The following ENTPD5 variants were observed in gnomAD, a reference collection of about 807,000 sequenced individuals.
ENTPD5 encodes ectonucleoside triphosphate diphosphohydrolase 5 (inactive), also known as nucleoside diphosphate phosphatase ENTPD5.
ENTPD5 carries 49 observed loss-of-function variants against 60.2 expected under a neutral mutation model. The ratio of observed to expected loss-of-function variants is 0.81; its 90% confidence interval spans 0.65 to 1.03. The LOEUF is 1.03. ENTPD5 is among the 50% of genes least tolerant of loss of function. The probability of loss-of-function intolerance (pLI) is 0.00; values close to 1 mark genes in which losing one functional copy is unlikely to be tolerated. For synonymous variants in ENTPD5, 187 were observed against 185.4 expected (o/e 1.01, Z -0.07); for missense variants, 480 against 507.6 (o/e 0.95, Z 0.52).
rs564765680 is a variant in ENTPD5, at chr14:73,963,467, T to A, written c.*3461A>T. On this transcript the variant is annotated 3_prime_UTR_variant, in exon 16 of 16. Coordinates refer to ENST00000334696, the MANE Select transcript of ENTPD5 (RefSeq NM_001249.5). ...TAAATATAAATTGCTTTAACCTTTG[T>A]TACAGGTATACTGGACTTTCTGAAA... 1 of 199,062 alleles carries A rather than the reference T, an allele frequency of 5.0e-6. No homozygotes were observed. Among genetic ancestry groups the A allele is most frequent in the East Asian group, 1.4e-4 (1 of 7,144 alleles). 12.3% of individuals were successfully genotyped at this position (199,062 alleles called of 1,614,324 possible).
chr14:73,978,555 C>T (rs905240397), intron 6 of ENTPD5, among the ~76,000 whole-genome samples: 13 of 145,514 alleles, frequency 8.9e-5, no homozygotes, highest in African/African-American at 2.3e-4. Context: ...GAGCCGAGAT[C>T]GCGCCATTGC....
Position 73,988,038 on chromosome 14 carries a change from G to A in ENTPD5, c.65C>T (p.Ser22Phe), listed in dbSNP as rs2057976190. 6.2e-7 allele frequency: 1 copy of A among 1,613,968 alleles called. No homozygotes were observed. The highest frequency in any genetic ancestry group is 1.3e-5 in the African/African-American group (1 of 74,942). Residue 22 changes from serine (S) to phenylalanine (F), a missense_variant, in exon 4 of 16, where the codon TCC (serine) becomes TTC (phenylalanine). Physicochemically the swap from Ser to Phe is radical, Grantham distance 155. Transcript: ENST00000334696. ...AAACCAAGTCTGCTGGTTCCTGTGG[G>A]AGACAGCGCTGCAAACACAGGATAC... ...LVVSCVCSAV[S>F]HRNQQTWFEG...
downstream of ENTPD5, chr14:73,963,023 T>A: frequency 6.3e-7 from 1 of 1,583,014 alleles, no homozygotes; most frequent in South Asian, 1.1e-5. Flanking sequence ...AAAGAAAGAT[T>A]ACGTTGATGA....
intron 3 of ENTPD5, among the ~76,000 whole-genome samples, chr14:73,991,606 AC>A (rs1348326774): frequency 1.1e-5 from 1 of 91,174 alleles, no homozygotes; most frequent in Non-Finnish European, 2.4e-5. Context: ...AAAAACAATA[AC>A]CAAAAAAAAA....
chr14:73,983,202 T>G (rs946616385), intron 5 of ENTPD5, 41 bp from the exon 6 acceptor site: 2 of 1,582,928 alleles, frequency 1.3e-6, no homozygotes, highest in Non-Finnish European at 1.7e-6. Context: ...AACGATCCAT[T>G]TAGTGGCTGG....
Position 73,969,299 on chromosome 14 carries a change from CAG to C in ENTPD5, c.1200+709_1200+710del, listed in dbSNP as rs139171971. ...CCTAGGACAAATGGAACCCAAGATT[CAG>C]AGAGTGTGGCACTTGCATCCTGCTT... is the stretch of plus-strand genomic sequence containing the variant. On this transcript the variant is annotated intron_variant, in intron 15 of 15. Coordinates refer to ENST00000334696, the MANE Select transcript of ENTPD5 (RefSeq NM_001249.5). 9.8e-3 allele frequency among the ~76,000 whole-genome samples: 1,491 copies of C among 152,316 alleles called. 7 individuals are homozygous for C. Among genetic ancestry groups the C allele is most frequent in the Non-Finnish European group, 0.016 (1,091 of 68,028 alleles).
chr14:73,973,124 A>G (rs914185221), intron 12 of ENTPD5, 100 bp from the exon 13 acceptor site: 7 of 1,412,958 alleles, frequency 5.0e-6, no homozygotes, highest in Admixed American at 2.1e-5. Context: ...AACAGCAGGA[A>G]GGTCAAGGAA....
chr14:73,971,934 A>G (rs2057244662), intron 13 of ENTPD5, 26 bp from the exon 14 acceptor site: 1 of 1,376,110 alleles, frequency 7.3e-7, no homozygotes, highest in African/African-American at 1.4e-5. Context: ...AGATTATCTG[A>G]TATCAAAACG....
intron 2 of ENTPD5, among the ~76,000 whole-genome samples, chr14:74,011,699 G>GAGAC (rs962179070): frequency 4.6e-5 from 7 of 152,172 alleles, no homozygotes; most frequent in Non-Finnish European, 1.0e-4. Context: ...TTGGGAGGCT[G>GAGAC]AGACAGGAGG....
intron 3 of ENTPD5, among the ~76,000 whole-genome samples, chr14:74,001,433 C>A (rs1487336529): frequency 6.6e-6 from 1 of 151,564 alleles, no homozygotes; most frequent in Non-Finnish European, 1.5e-5. Flanking sequence ...ACCTGGGAGG[C>A]CGAGCTTGCA....
intron 6 of ENTPD5, among the ~76,000 whole-genome samples, chr14:73,979,943 ATTTT>A (rs554438546): frequency 1.6e-5 from 2 of 127,540 alleles, no homozygotes; most frequent in Non-Finnish European, 3.3e-5. Context: ...TTTTGCCATG[ATTTT>A]TTTTTTTTTT....
chr14:74,019,022 C>A lies in ENTPD5; in HGVS notation c.-238+228G>T, dbSNP rs2059165428. ...CATGGAGACACGGGAGGAACGGGAC[C>A]CGCGGGCGGCACGGGAAAGGGCTGC... On this transcript the variant is annotated intron_variant, in intron 1 of 15. Transcript: ENST00000334696. 1.3e-5 allele frequency: 2 copies of A among 153,288 alleles called. 1 individual carries two copies. Among genetic ancestry groups the A allele is most frequent in the Non-Finnish European group, 2.9e-5 (2 of 68,836 alleles). 9.5% of individuals were successfully genotyped at this position (153,288 alleles called of 1,614,324 possible). A position where few individuals can be genotyped will look rare whatever the true frequency, so the allele number is the denominator to read the frequency against.
chr14:73,976,364 C>A lies in ENTPD5; in HGVS notation c.602G>T (p.Gly201Val), dbSNP rs768247667. ...GAACGTGATTTGGGTGGAGGCTCCCCCTAGGTCCAAGGTCCCCACAGTCTC... is the reference window on the plus strand; with the variant it reads ...GAACGTGATTTGGGTGGAGGCTCCCACTAGGTCCAAGGTCCCCACAGTCTC... The part of the protein sequence containing the change: ...RQETVGTLDL[G>V]GASTQITFLP... Residue 201 changes from glycine (G) to valine (V), a missense_variant, in exon 9 of 16, where the codon GGG (glycine) becomes GTG (valine). By Grantham distance (109) the Gly-to-Val change is moderately radical. Coordinates refer to ENST00000334696, the MANE Select transcript of ENTPD5 (RefSeq NM_001249.5). 4 of 1,614,070 alleles carry A rather than the reference C, an allele frequency of 2.5e-6. No homozygotes were observed. The highest frequency in any genetic ancestry group is 3.4e-6 in the Non-Finnish European group (4 of 1,180,032).
intron 10 of ENTPD5, among the ~76,000 whole-genome samples, chr14:73,975,652 C>G (rs1416431172): frequency 6.6e-6 from 1 of 152,142 alleles, no homozygotes; most frequent in African/African-American, 2.4e-5. Flanking sequence ...GACCCACCCA[C>G]CTCGGCCTCC....
chr14:73,960,195 G>A (rs1332398882), downstream of ENTPD5: 6 of 988,274 alleles, frequency 6.1e-6, no homozygotes, highest in Non-Finnish European at 7.2e-6. Flanking sequence ...GCGAATTTCA[G>A]CATGGGGCTT....
chr14:73,972,051 T>C lies in ENTPD5; in HGVS notation c.1028-143A>G, dbSNP rs1466250436. 1.7e-5 allele frequency: 11 copies of C among 645,380 alleles called. No individual in the cohort carries two copies. The East Asian group carries it at 2.2e-4, about 13-fold the overall frequency. 40.0% of individuals were successfully genotyped at this position (645,380 alleles called of 1,614,324 possible). On this transcript the variant is annotated intron_variant, in intron 13 of 15. Transcript: ENST00000334696. The stretch of plus-strand genomic sequence containing the variant: ...CTTATTTACAATCTATTCCATGTTA[T>C]GTATATTTAACCACAATGGAAAAAA...
In ENTPD5 at chr14:73,987,912, AC is replaced by A; in HGVS notation, c.190del (p.Val64PhefsTer15). 6.2e-7 allele frequency: 1 copy of A among 1,614,176 alleles called. No individual in the cohort carries two copies. Among genetic ancestry groups the A allele is most frequent in the African/African-American group, 1.3e-5 (1 of 75,064 alleles). ...TGGCATTTTCTGCACAAAGGTGTAA[AC>A]ATGAATTCGAGTTCCAGTGCTCCCT... is the stretch of plus-strand genomic sequence containing the variant. Reference protein sequence around the residue: ...DAGSTGTRIHVYTFVQKMPGQ... With the variant: ...DAGSTGTRIHXYTFVQKMPGQ... On this transcript the variant is annotated frameshift_variant, in exon 4 of 16. Coordinates refer to ENST00000334696, the MANE Select transcript of ENTPD5 (RefSeq NM_001249.5). LOFTEE classifies it high-confidence loss of function.
At chr14:73,973,164 A>T in intron 12 of ENTPD5, 140 bp from the exon 13 acceptor site, 1 of 1,009,204 alleles carries the variant, frequency 9.9e-7, no homozygotes, top group Non-Finnish European at 1.5e-6. Flanking sequence ...TTGGGACAAG[A>T]GGCGTCAAAA....
In ENTPD5 at chr14:73,980,587, G is replaced by A. The variant is rs941173326; in HGVS notation, c.441+2431C>T. On this transcript the variant is annotated intron_variant, in intron 6 of 15. Transcript: ENST00000334696. ...ACTTAATTTTTTTTGTAGAAATAGG[G>A]GTCTTGCTTTGTTGTCTGGACTGGT... 5.3e-5 allele frequency among the ~76,000 whole-genome samples: 8 copies of A among 151,932 alleles called. No homozygotes were observed. The East Asian group carries it at 7.8e-4, about 15-fold the overall frequency.
Sources: allele counts gnomAD v4.1 joint callset (sites outside exome capture counted in the v4.1 genomes callset), GRCh38; gene constraint gnomAD v4.1.1; transcripts MANE v1.5; gene names NCBI Gene and HGNC (gene_info 2026-07-23, HGNC 2026-07-21).